TENM4: variants seen among roughly 807,000 people sequenced by gnomAD.
TENM4 encodes teneurin-4.
TENM4 carries 82 observed loss-of-function variants against 243.3 expected under a neutral mutation model. The observed-to-expected ratio is 0.34, with a 90% CI of 0.28 to 0.40. The LOEUF (loss-of-function observed/expected upper bound fraction) is 0.40. Among genes scored for constraint, TENM4 ranks in the 10% least tolerant of loss-of-function variants. The pLI, the probability that TENM4 is intolerant of heterozygous loss-of-function variation, is 1.00. For synonymous variants in TENM4, 1,412 were observed against 1,456.3 expected, an observed-to-expected ratio of 0.97 and a Z score of 0.69; for missense variants, 3,138 against 3,673.3, an observed-to-expected ratio of 0.85 and a Z score of 3.77.
intron 3 of TENM4, among the ~76,000 whole-genome samples, chr11:79,193,449 C>G (rs114832830): frequency 0.028 from 4,224 of 152,288 alleles, 197 homozygotes; most frequent in African/African-American, 0.096. Context: ...CTAGGTCCTA[C>G]GGCACTGTCT....
chr11:78,923,311 C>T lies in TENM4; in HGVS notation c.494-19788G>A, dbSNP rs757937327. Among the ~76,000 whole-genome samples, 21 of 152,192 alleles carry T rather than the reference C, an allele frequency of 1.4e-4. No individual in the cohort carries two copies. In the South Asian group the frequency reaches 3.1e-3, roughly 23 times the overall value. On this transcript the variant is annotated intron_variant, in intron 6 of 33. Coordinates refer to ENST00000278550, the MANE Select transcript of TENM4 (RefSeq NM_001098816.3). The stretch of plus-strand genomic sequence containing the variant: ...TAAAAGACGTAGCCTGTCCTGGATA[C>T]GATGAAAGACTTTTGCTCTCCAGCT...
At chr11:78,988,044 C>T (rs891570287) in intron 6 of TENM4, among the ~76,000 whole-genome samples, 5 of 152,216 alleles carry the variant, frequency 3.3e-5, no homozygotes, top group Admixed American at 2.6e-4. Context: ...TTGTATAATT[C>T]AGCTCAGTAG....
At chr11:78,692,907 G>A (rs772790557) in intron 28 of TENM4, among the ~76,000 whole-genome samples, 1 of 152,058 alleles carries the variant, frequency 6.6e-6, no homozygotes, top group Non-Finnish European at 1.5e-5. Context: ...CCTGACCACC[G>A]CTTCTAAGAC....
chr11:79,261,418 A>C (rs1011461882), intron 2 of TENM4, among the ~76,000 whole-genome samples: 4 of 152,164 alleles, frequency 2.6e-5, no homozygotes, highest in African/African-American at 9.7e-5. Context: ...TGTTCCTGTG[A>C]ATTCCTTCAA....
At chr11:79,215,247 C>A (rs983751519) in intron 3 of TENM4, among the ~76,000 whole-genome samples, 1 of 152,088 alleles carries the variant, frequency 6.6e-6, no homozygotes, top group Non-Finnish European at 1.5e-5. Context: ...TTTTTCATTG[C>A]TTTTCTGCAC....
intron 6 of TENM4, among the ~76,000 whole-genome samples, chr11:78,958,080 T>C (rs1471762047): frequency 2.0e-5 from 3 of 152,258 alleles, no homozygotes; most frequent in Non-Finnish European, 4.4e-5. Flanking sequence ...CTGCCCCTTA[T>C]TGAGCTTCAG....
At chr11:78,741,070 C>G (rs66755234) in intron 19 of TENM4, among the ~76,000 whole-genome samples, 1 of 152,166 alleles carries the variant, frequency 6.6e-6, no homozygotes, top group Admixed American at 6.5e-5. Flanking sequence ...CATCCCTGTT[C>G]TGTTTTCATG....
intron 4 of TENM4, among the ~76,000 whole-genome samples, chr11:79,127,398 C>G (rs1416240422): frequency 6.7e-6 from 1 of 148,376 alleles, no homozygotes; most frequent in Non-Finnish European, 1.5e-5. Context: ...TTATTGTAAA[C>G]TTAACCAAGT....
At chr11:78,931,662 G>A (rs939650275) in intron 6 of TENM4, among the ~76,000 whole-genome samples, 2 of 152,196 alleles carry the variant, frequency 1.3e-5, no homozygotes, top group African/African-American at 4.8e-5. Flanking sequence ...TTAAGTGGCT[G>A]TCCTAGGCTC....
At chr11:78,924,121 C>T (rs1247463994) in intron 6 of TENM4, among the ~76,000 whole-genome samples, 1 of 152,230 alleles carries the variant, frequency 6.6e-6, no homozygotes, top group East Asian at 1.9e-4. Context: ...TCCCAAAGTG[C>T]TGGGATTACA....
chr11:78,857,614 A>C (rs1031988906), intron 10 of TENM4, among the ~76,000 whole-genome samples: 2 of 152,246 alleles, frequency 1.3e-5, no homozygotes, highest in Non-Finnish European at 2.9e-5. Context: ...ATATGCCAAC[A>C]AAAAAGTTAA....
At chr11:78,765,491 A>C (rs1348766430) in intron 18 of TENM4, among the ~76,000 whole-genome samples, 1 of 152,204 alleles carries the variant, frequency 6.6e-6, no homozygotes, top group Non-Finnish European at 1.5e-5. Flanking sequence ...GCATATATCA[A>C]TTATCTATTG....
intron 12 of TENM4, among the ~76,000 whole-genome samples, chr11:78,834,188 T>G (rs1024712774): frequency 1.1e-4 from 16 of 152,228 alleles, no homozygotes; most frequent in African/African-American, 3.6e-4. Flanking sequence ...ATTTTAACTT[T>G]CCTATTTCTA....
intron 6 of TENM4, among the ~76,000 whole-genome samples, chr11:79,040,557 T>C (rs971960678): frequency 1.3e-5 from 2 of 152,144 alleles, no homozygotes; most frequent in African/African-American, 2.4e-5. Flanking sequence ...AGTGAGTTAA[T>C]TGCAAAATCC....
chr11:78,669,688 G>A lies in TENM4; in HGVS notation c.6657C>T (p.Leu2219=), dbSNP rs762614601. Residue 2219 remains leucine (L), a synonymous_variant, in exon 32 of 34, where the codon CTC becomes CTT. Transcript: ENST00000278550. The surrounding 1 kb of genome is among the most constrained non-coding windows in gnomAD (Gnocchi z 6.4). ...DKPLWRYSYD[L]NGNLHLLSPG... ...GGCTCAGTAAGTGCAGGTTCCCATT[G>A]AGGTCGTAGCTGTAGCGCCAGAGTG... 4 of 1,614,024 alleles carry A rather than the reference G, an allele frequency of 2.5e-6. No homozygotes were observed. The highest frequency in any genetic ancestry group is 3.4e-6 in the Non-Finnish European group (4 of 1,179,898).
chr11:78,670,431 C>G lies in TENM4; in HGVS notation c.5914G>C (p.Val1972Leu). 1 of 1,614,034 alleles carries G rather than the reference C, an allele frequency of 6.2e-7. No individual in the cohort carries two copies. The highest frequency in any genetic ancestry group is 1.3e-5 in the African/African-American group (1 of 75,056). Residue 1972 changes from valine (V) to leucine (L), a missense_variant, in exon 32 of 34, where the codon GTG becomes CTG. By Grantham distance (32) the Val-to-Leu change is conservative. Around this residue, in one of 2 missense-constraint regions of TENM4, gnomAD observed 2,467 missense variants for 3,059.1 expected, o/e 0.81. Transcript: ENST00000278550. The stretch of plus-strand genomic sequence containing the variant: ...TGATAGATGTTTCTGTAGTAGCCCA[C>G]TGAGCGGATGGTCTCTAGTGTCTGC... ...ARQTLETIRSVGYYRNIYQPP... is the reference protein window; with the variant it reads ...ARQTLETIRSLGYYRNIYQPP...
At chr11:78,948,694 T>C (rs1857056816) in intron 6 of TENM4, among the ~76,000 whole-genome samples, 2 of 152,192 alleles carry the variant, frequency 1.3e-5, no homozygotes, top group Admixed American at 1.3e-4. Context: ...TTTATAGCAT[T>C]TAGAAAAACA....
chr11:78,891,399 A>G, intron 7 of TENM4, 63 bp from the exon 8 acceptor site: 1 of 1,431,856 alleles, frequency 7.0e-7, no homozygotes, highest in South Asian at 1.2e-5. Flanking sequence ...GGGCTAGTAG[A>G]GAAACACACA....
chr11:78,907,672 G>A (rs533831720), intron 6 of TENM4, among the ~76,000 whole-genome samples: 11 of 152,260 alleles, frequency 7.2e-5, no homozygotes, highest in Non-Finnish European at 7.4e-5. Context: ...CCCAGCGTCC[G>A]CACAGAGCTG....
Sources: gnomAD v4.1 joint callset for allele counts (sites outside exome capture counted in the v4.1 genomes callset) on GRCh38, gnomAD v4.1.1 for gene constraint, gnomAD v4.1.1 regional missense constraint, Gnocchi (gnomAD v3.1) non-coding constraint, MANE v1.5 for transcripts, NCBI Gene and HGNC (gene_info 2026-07-23, HGNC 2026-07-21) for gene names.